Variants in EPN3 observed in about 807,000 individuals in gnomAD.
EPN3 encodes the protein epsin-3.
A neutral mutation model predicts 55.5 loss-of-function variants in EPN3; 56 were observed. That is an observed-to-expected ratio of 1.01 (90% confidence interval 0.81 to 1.26). The LOEUF (loss-of-function observed/expected upper bound fraction) is 1.26, where lower values mean the gene tolerates loss of function less well. Among genes scored for constraint, EPN3 ranks in the 50% most tolerant of loss-of-function variants. The pLI is 0.00. For synonymous variants in EPN3, 449 were observed against 375.2 expected (o/e 1.20, Z -2.27); for missense variants, 927 against 853.4 (o/e 1.09, Z -1.07).
chr17:50,542,223 G>A lies in EPN3; in HGVS notation c.*66G>A. 7.2e-7 allele frequency: 1 copy of A among 1,388,958 alleles called. No individual in the cohort carries two copies. Among genetic ancestry groups the A allele is most frequent in the South Asian group, 1.6e-5 (1 of 64,188 alleles). The allele number at this position is 1,388,958 out of a possible 1,614,324, so 86.0% of individuals were successfully genotyped here. A position where few individuals can be genotyped will look rare whatever the true frequency, so the allele number is the denominator to read the frequency against. ...GCTCCGCGGCCCCGCCTCCGGACCC[G>A]GGGCTGGGCGGGGCGCCGGTGCTAG... On this transcript the variant is annotated 3_prime_UTR_variant, in exon 10 of 10. Coordinates refer to ENST00000268933, the MANE Select transcript of EPN3 (RefSeq NM_017957.3).
chr17:50,534,618 C>T (rs940715892), intron 1 of EPN3: 21 of 985,460 alleles, frequency 2.1e-5, no homozygotes, highest in Middle Eastern at 5.2e-4. Context: ...AGAAGGCCCA[C>T]GACCCGCTGG....
Position 50,541,637 on chromosome 17 carries a change from C to T in EPN3, c.1528C>T (p.Leu510Phe). 6.2e-7 allele frequency: 1 copy of T among 1,614,176 alleles called. No individual in the cohort carries two copies. Among genetic ancestry groups the T allele is most frequent in the Non-Finnish European group, 8.5e-7 (1 of 1,180,028 alleles). The change falls in exon 9 of 10, where the codon CTT becomes TTT. Residue 510 changes from leucine to phenylalanine, a missense_variant. Physicochemically the swap from Leu to Phe is conservative, Grantham distance 22. Coordinates refer to ENST00000268933, the MANE Select transcript of EPN3 (RefSeq NM_017957.3). ...TCCCTCAGCTTCCTCCTTGGTCAAC[C>T]TTGACTCGTTGGTCAAGGCACCCCA... ...LGPSASSLVN[L>F]DSLVKAPQVA...
chr17:50,541,033 G>T lies in EPN3; in HGVS notation c.1220G>T (p.Gly407Val), dbSNP rs933783671. The T allele has an allele frequency of 3.1e-6, 5 of 1,591,456 alleles. No individual in the cohort carries two copies. The African/African-American group carries it at 5.4e-5, about 17-fold the overall frequency. Residue 407 changes from glycine (G) to valine (V), a missense_variant, in exon 7 of 10, where the codon GGA becomes GTA. Transcript: ENST00000268933. ...KLPSTGADPWGASLETSDTPG... is the reference protein window; with the variant it reads ...KLPSTGADPWVASLETSDTPG... ...CCCAGCACTGGGGCTGACCCTTGGG[G>T]AGCCTCCCTGGAGACCTCCGACACA...
rs1025275977 is a variant in EPN3, at chr17:50,532,905, C to G, written c.-217C>G. On this transcript the variant is annotated 5_prime_UTR_variant, in exon 1 of 10. Coordinates refer to ENST00000268933, the MANE Select transcript of EPN3 (RefSeq NM_017957.3). ...TCTGGAGACGCTCCCGAGGCTGTGC[C>G]GTCCCGCTGCTGCACAGGTCGGAGG... 1.6e-6 allele frequency: 2 copies of G among 1,285,530 alleles called. No homozygotes were observed. The highest frequency in any genetic ancestry group is 2.0e-6 in the Non-Finnish European group (2 of 987,270). The allele number at this position is 1,285,530 out of a possible 1,614,324, so 79.6% of individuals were successfully genotyped here. A position where few individuals can be genotyped will look rare whatever the true frequency, so the allele number is the denominator to read the frequency against.
chr17:50,538,408 C>T (rs996762900), intron 3 of EPN3: 16 of 569,764 alleles, frequency 2.8e-5, no homozygotes, highest in African/African-American at 1.9e-4. Flanking sequence ...GAAAGGGTGG[C>T]GAGTGTACAA....
intron 2 of EPN3, chr17:50,537,849 T>C: frequency 2.1e-6 from 1 of 487,414 alleles, no homozygotes; most frequent in East Asian, 3.4e-5. Flanking sequence ...TCAGGGGCCC[T>C]AAGTGCCGCC....
rs1454906485 is a variant in EPN3, at chr17:50,543,011, C to A, written c.*854C>A. On this transcript the variant is annotated 3_prime_UTR_variant, in exon 10 of 10. Coordinates refer to ENST00000268933, the MANE Select transcript of EPN3 (RefSeq NM_017957.3). ...GGCTGGAACTCAAGAGTCAGACAGT[C>A]TGGCTCCAAGGCCTGGAGATCCCAG... The A allele has an allele frequency of 6.6e-6, 1 of 152,268 alleles. No homozygotes were observed. Among genetic ancestry groups the A allele is most frequent in the Non-Finnish European group, 1.5e-5 (1 of 68,076 alleles). The allele number at this position is 152,268 out of a possible 1,614,324, so 9.4% of individuals were successfully genotyped here. A position where few individuals can be genotyped will look rare whatever the true frequency, so the allele number is the denominator to read the frequency against.
intron 5 of EPN3, 117 bp downstream of exon 5, chr17:50,539,432 T>C (rs2034814426): frequency 6.9e-7 from 1 of 1,456,760 alleles, no homozygotes; most frequent in Admixed American, 2.0e-5. Flanking sequence ...GTTTATTCGA[T>C]GAAATAGGGG....
At chr17:50,540,366 G>C in intron 6 of EPN3, 32 bp downstream of exon 6, 5 of 1,586,482 alleles carry the variant, frequency 3.2e-6, no homozygotes, top group Non-Finnish European at 4.3e-6. Flanking sequence ...AGACTTCCAG[G>C]CTGGCCCAAG....
In EPN3 at chr17:50,541,888, C is replaced by G; in HGVS notation, c.1630C>G (p.Pro544Ala). The G allele has an allele frequency of 6.2e-7, 1 of 1,606,340 alleles. No homozygotes were observed. Among genetic ancestry groups the G allele is most frequent in the Non-Finnish European group, 8.5e-7 (1 of 1,179,738 alleles). The change falls in exon 10 of 10, where the codon CCG becomes GCG. Residue 544 changes from proline (P) to alanine (A), a missense_variant. By Grantham distance (27) the Pro-to-Ala change is conservative. Coordinates refer to ENST00000268933, the MANE Select transcript of EPN3 (RefSeq NM_017957.3). ...CACCAACCCGTTCGGCGCGGGCGAG[C>G]CGGGCAGGCCGACGCTAAACCAGAT... Reference protein sequence around the residue: ...SPTNPFGAGEPGRPTLNQMRT... With the variant: ...SPTNPFGAGEAGRPTLNQMRT...
chr17:50,533,456 G>A (rs1235391740), intron 1 of EPN3, among the ~76,000 whole-genome samples: 2 of 152,220 alleles, frequency 1.3e-5, no homozygotes, highest in Non-Finnish European at 2.9e-5. Context: ...ATCTGACTTG[G>A]AGGCAGGGGC....
intron 3 of EPN3, 57 bp downstream of exon 3, chr17:50,538,254 CCTGGGAGCCCCTTGGCCTTGACTCAGGCT>C: frequency 7.1e-7 from 1 of 1,403,906 alleles, no homozygotes; most frequent in Non-Finnish European, 9.9e-7. Flanking sequence ...GGAGAGAGTG[CCTGGGAGCCCCTTGGCCTTGACTCAGGCT>C]CTGTCACCCA....
intron 1 of EPN3, 73 bp from the exon 2 acceptor site, chr17:50,536,347 AT>A: frequency 7.7e-7 from 1 of 1,298,022 alleles, no homozygotes; most frequent in Non-Finnish European, 1.0e-6. Flanking sequence ...GCCAGGCCTC[AT>A]TTAGTTGGTC....
At chr17:50,535,384 T>C (rs2034744772) in intron 1 of EPN3, among the ~76,000 whole-genome samples, 1 of 152,164 alleles carries the variant, frequency 6.6e-6, no homozygotes, top group Non-Finnish European at 1.5e-5. Flanking sequence ...GCAGGTCCCA[T>C]CCCCTCTCTG....
In EPN3 at chr17:50,540,330, C is replaced by T; in HGVS notation, c.975C>T (p.Ile325=). The change falls in exon 6 of 10, where the codon ATC becomes ATT. Residue 325 remains isoleucine (I), a synonymous_variant. Coordinates refer to ENST00000268933, the MANE Select transcript of EPN3 (RefSeq NM_017957.3). ...ACTGCTCTGCTGACCCATGGGACAT[C>T]CCAGGTGGGCATGCAGGGCTGCAAG... ...STHCSADPWD[I]PGFRPNTEAS... The T allele has an allele frequency of 6.2e-7, 1 of 1,610,182 alleles. No individual in the cohort carries two copies. Among genetic ancestry groups the T allele is most frequent in the Non-Finnish European group, 8.5e-7 (1 of 1,179,430 alleles).
At position 50,542,038 on chromosome 17, in the gene EPN3, G is replaced by A. The variant is rs769106163; in HGVS notation, c.1780G>A (p.Ala594Thr). The change falls in exon 10 of 10, where the codon GCC becomes ACC. Residue 594 changes from alanine to threonine, a missense_variant. Physicochemically the swap from Ala to Thr is moderately conservative, Grantham distance 58. Transcript: ENST00000268933. ...CGTGCCAGCTGGCTTGACCCTCCCC[G>A]CCTCGGTTAGCGTCTTCCCGCAGGC... ...SSVPAGLTLP[A>T]SVSVFPQAGA... The A allele has an allele frequency of 6.3e-7, 1 of 1,595,556 alleles. No individual in the cohort carries two copies. The highest frequency in any genetic ancestry group is 1.1e-5 in the South Asian group (1 of 90,584).
chr17:50,533,033 C>T (rs549495042), intron 1 of EPN3, 48 bp downstream of exon 1: 10 of 1,189,210 alleles, frequency 8.4e-6, no homozygotes, highest in East Asian at 1.2e-4. Context: ...GCATGGAAGG[C>T]GGGGGTTGGT....
chr17:50,540,518 G>C (rs565686308), intron 6 of EPN3, among the ~76,000 whole-genome samples, 184 bp downstream of exon 6: 1 of 141,042 alleles, frequency 7.1e-6, no homozygotes, highest in East Asian at 1.9e-4. Context: ...AATGTCTGAA[G>C]GGCCCAGCTC....
Position 50,541,512 on chromosome 17 carries a change from C to T in EPN3, c.1403C>T (p.Thr468Met). The T allele has an allele frequency of 2.5e-6, 4 of 1,614,142 alleles. No homozygotes were observed. Among genetic ancestry groups the T allele is most frequent in the Admixed American group, 1.7e-5 (1 of 60,024 alleles). Residue 468 changes from threonine to methionine, a missense_variant, in exon 9 of 10, where the codon ACG becomes ATG. Coordinates refer to ENST00000268933, the MANE Select transcript of EPN3 (RefSeq NM_017957.3). ...AGCCCCAGTTCCAAGCAAAATGGCACGAAGGAGCCAGATGCCCTGGACCTG... is the reference window on the plus strand; with the variant it reads ...AGCCCCAGTTCCAAGCAAAATGGCATGAAGGAGCCAGATGCCCTGGACCTG... ...DPSPSSKQNG[T>M]KEPDALDLGI... is the part of the protein sequence containing the mutation.
Sources: gnomAD v4.1 joint callset for allele counts (sites outside exome capture counted in the v4.1 genomes callset) on GRCh38, gnomAD v4.1.1 for gene constraint, MANE v1.5 for transcripts, NCBI Gene and HGNC (gene_info 2026-07-23, HGNC 2026-07-21) for gene names.